Variants in ITPR3 observed in about 807,000 individuals in gnomAD.
The protein encoded by ITPR3 is inositol 1,4,5-trisphosphate-gated calcium channel ITPR3.
In ITPR3, 173 loss-of-function variants were observed where a neutral mutation model predicts 293.2. The observed-to-expected ratio is 0.59, with a 90% CI of 0.52 to 0.67. The LOEUF (loss-of-function observed/expected upper bound fraction) is 0.67, where lower values mean the gene tolerates loss of function less well. ITPR3 is among the 30% of genes least tolerant of loss of function. The pLI, the probability that ITPR3 is intolerant of heterozygous loss-of-function variation, is 0.00. For missense variants in ITPR3, 2,796 were observed against 3,592.1 expected (o/e 0.78, Z 5.66); for synonymous variants, 1,295 against 1,444.4 (o/e 0.90, Z 2.35).
Position 33,679,966 on chromosome 6 carries a change from C to G in ITPR3, c.4057C>G (p.Arg1353Gly). 1 of 1,613,820 alleles carries G rather than the reference C, an allele frequency of 6.2e-7. No homozygotes were observed. The highest frequency in any genetic ancestry group is 8.5e-7 in the Non-Finnish European group (1 of 1,180,024). Residue 1353 changes from arginine (R) to glycine (G), a missense_variant, in exon 31 of 58, where the codon CGC (arginine) becomes GGC (glycine). Transcript: ENST00000605930. The surrounding 1 kb of genome is among the most constrained non-coding windows in gnomAD (Gnocchi z 4.2). ...AHLLDMMKAA[R>G]DGVEDHSPLM... ...CCTGCTGGACATGATGAAGGCCGCCCGCGACGGCGTGGAGGACCACAGCCC... is the reference window on the plus strand; with the variant it reads ...CCTGCTGGACATGATGAAGGCCGCCGGCGACGGCGTGGAGGACCACAGCCC...
chr6:33,678,794 C>G lies in ITPR3; in HGVS notation c.3927C>G (p.Ala1309=), dbSNP rs760674810. 6.2e-7 allele frequency: 1 copy of G among 1,613,316 alleles called. No individual in the cohort carries two copies. ...YLDFLHTVIK[A]EGKYVKKCQD... Reference sequence around the variant, plus strand: ...ACTTCCTGCACACCGTCATTAAGGCCGAGGGCAAGTACGTCAAGAAGTGCC... The same window carrying G: ...ACTTCCTGCACACCGTCATTAAGGCGGAGGGCAAGTACGTCAAGAAGTGCC... The change falls in exon 30 of 58, where the codon GCC becomes GCG. Residue 1309 remains alanine, a synonymous_variant. Coordinates refer to ENST00000605930, the MANE Select transcript of ITPR3 (RefSeq NM_002224.4).
chr6:33,692,237 T>C lies in ITPR3; in HGVS notation c.7458+309T>C, dbSNP rs1561884554. On this transcript the variant is annotated intron_variant, in intron 54 of 57. Transcript: ENST00000605930. This position sits in a 1 kb window ranked among gnomAD's most constrained non-coding sequence, Gnocchi z 4.2. ...GGCAGAGGGCGGAGCTGAGTCAGCT[T>C]TATCAGGAGGCCTCATGATTTGGCT... is the stretch of plus-strand genomic sequence containing the variant. Among the ~76,000 whole-genome samples the C allele has an allele frequency of 2.0e-5, 3 of 152,220 alleles. No homozygotes were observed. The highest frequency in any genetic ancestry group is 4.4e-5 in the Non-Finnish European group (3 of 68,022).
chr6:33,627,881 G>A (rs1454383004), intron 1 of ITPR3, among the ~76,000 whole-genome samples: 1 of 152,220 alleles, frequency 6.6e-6, no homozygotes, highest in Non-Finnish European at 1.5e-5. Context: ...GAGAGGGGGT[G>A]GCGCGGGGTT....
rs769660569 is a variant in ITPR3 at position 33,684,976 on chromosome 6, C to T, written c.5307+33C>T. Reference sequence around the variant, plus strand: ...GGGCCTGGGGCCTGGACATGCCCTCCTTTGCCTCCCTCCCTTTTTGGAGGA... The same window carrying T: ...GGGCCTGGGGCCTGGACATGCCCTCTTTTGCCTCCCTCCCTTTTTGGAGGA... On this transcript the variant is annotated intron_variant, in intron 39 of 57. Transcript: ENST00000605930. The surrounding 1 kb of genome is among the most constrained non-coding windows in gnomAD (Gnocchi z 4.2). 5.5e-5 allele frequency: 87 copies of T among 1,573,710 alleles called. 2 individuals are homozygous for T. Among genetic ancestry groups the T allele is most frequent in the South Asian group, 4.6e-4 (39 of 84,624 alleles).
chr6:33,656,869 G>A (rs1444044987), intron 3 of ITPR3, among the ~76,000 whole-genome samples: 65 of 152,246 alleles, frequency 4.3e-4, no homozygotes, highest in Non-Finnish European at 1.5e-4. Context: ...ATTGGGCTGC[G>A]CCTTATAGCT....
In ITPR3 at chr6:33,683,194, C is replaced by T; in HGVS notation, c.4598-13C>T. On this transcript the variant is annotated splice_polypyrimidine_tract_variant and intron_variant, in intron 34 of 57. Coordinates refer to ENST00000605930, the MANE Select transcript of ITPR3 (RefSeq NM_002224.4). This position sits in a 1 kb window ranked among gnomAD's most constrained non-coding sequence, Gnocchi z 4.5. ...CGCACCAGCACTCCAGCACTCCCTC[C>T]CTTCCCACCCAGCCAAGGGCCGGGC... 2.0e-6 allele frequency: 3 copies of T among 1,503,610 alleles called. No homozygotes were observed. Among genetic ancestry groups the T allele is most frequent in the Non-Finnish European group, 2.7e-6 (3 of 1,116,306 alleles). The allele number at this position is 1,503,610 out of a possible 1,614,324, so 93.1% of individuals were successfully genotyped here. A position where few individuals can be genotyped will look rare whatever the true frequency, so the allele number is the denominator to read the frequency against.
At chr6:33,686,365 T>A in intron 42 of ITPR3, 44 bp from the exon 43 acceptor site, 1 of 1,599,986 alleles carries the variant, frequency 6.3e-7, no homozygotes, top group African/African-American at 1.3e-5. Context: ...CTGCCACTAT[T>A]CTGAGAGGGC....
In ITPR3 at chr6:33,692,034, A is replaced by T. The variant is rs1765409077; in HGVS notation, c.7458+106A>T. On this transcript the variant is annotated intron_variant, in intron 54 of 57. Coordinates refer to ENST00000605930, the MANE Select transcript of ITPR3 (RefSeq NM_002224.4). This position sits in a 1 kb window ranked among gnomAD's most constrained non-coding sequence, Gnocchi z 4.2. ...GCCTCGCGTCAGATATTCAGGGTTG[A>T]ACCCCCTCCCCCGAACTTGTATCCA... 19 of 1,460,354 alleles carry T rather than the reference A, an allele frequency of 1.3e-5. No individual in the cohort carries two copies. The highest frequency in any genetic ancestry group is 1.7e-5 in the Non-Finnish European group (18 of 1,056,906). 90.5% of individuals were successfully genotyped at this position (1,460,354 alleles called of 1,614,324 possible).
chr6:33,694,773 C>T, intron 56 of ITPR3, 151 bp from the exon 57 acceptor site: 1 of 957,284 alleles, frequency 1.0e-6, no homozygotes, highest in South Asian at 1.5e-5. Context: ...CCGGGGAGGA[C>T]CAGGTCAATT....
Position 33,659,564 on chromosome 6 carries a change from C to CCACTG in ITPR3, c.711+16_711+17insACTGC. On this transcript the variant is annotated intron_variant, in intron 7 of 57. Transcript: ENST00000605930. ...TGTTGAAAGGGGTAAGGACTGGGAA[C>CCACTG]CCCTGCCCTGCCCAGCTGGCCACCT... The CCACTG allele has an allele frequency of 6.2e-7, 1 of 1,608,656 alleles. No homozygotes were observed. The highest frequency in any genetic ancestry group is 1.3e-5 in the African/African-American group (1 of 74,908).
At chr6:33,690,013 A>G in intron 50 of ITPR3, 21 bp from the exon 51 acceptor site, 1 of 1,614,032 alleles carries the variant, frequency 6.2e-7, no homozygotes, top group Non-Finnish European at 8.5e-7. Context: ...GCTGACTCTC[A>G]TGCCTTGCAC....
intron 8 of ITPR3, 93 bp downstream of exon 8, chr6:33,662,767 C>T (rs1764506587): frequency 2.6e-6 from 4 of 1,529,352 alleles, no homozygotes; most frequent in South Asian, 1.2e-5. Context: ...ATATTGACCC[C>T]TACCTCCCTC....
At chr6:33,642,395 A>T (rs942559866) in intron 2 of ITPR3, among the ~76,000 whole-genome samples, 3 of 152,010 alleles carry the variant, frequency 2.0e-5, no homozygotes, top group Admixed American at 2.0e-4. Flanking sequence ...TCTTGGAAAG[A>T]ACTTAGAGAC....
In ITPR3 at chr6:33,664,890, G is replaced by A. The variant is rs1370671417; in HGVS notation, c.1169G>A (p.Arg390Gln). 1.9e-6 allele frequency: 3 copies of A among 1,613,820 alleles called. No individual in the cohort carries two copies. The highest frequency in any genetic ancestry group is 1.7e-5 in the Admixed American group (1 of 60,008). Residue 390 changes from arginine to glutamine, a missense_variant, in exon 12 of 58, where the codon CGG (arginine) becomes CAG (glutamine). Arg to Gln is a conservative substitution (Grantham distance 43). Around this residue, in one of 8 missense-constraint regions of ITPR3, gnomAD observed 955 missense variants for 1,180.8 expected, o/e 0.81. Transcript: ENST00000605930. The surrounding 1 kb of genome is among the most constrained non-coding windows in gnomAD (Gnocchi z 4.4). The stretch of plus-strand genomic sequence containing the variant: ...TGCAGGAACTCGTACGTCCGGCTGC[G>A]GCACCTCTGCACCAACACGTGGATT... Reference protein sequence around the residue: ...FVPRNSYVRLRHLCTNTWIQS... With the variant: ...FVPRNSYVRLQHLCTNTWIQS...
intron 1 of ITPR3, among the ~76,000 whole-genome samples, chr6:33,635,032 A>G (rs1763786176): frequency 6.6e-6 from 1 of 152,082 alleles, no homozygotes; most frequent in Non-Finnish European, 1.5e-5. Flanking sequence ...CTGCGGCTCC[A>G]TCACCCCAGT....
rs1470806540 is a variant in ITPR3, at chr6:33,685,726, G to A, written c.5566G>A (p.Glu1856Lys). 2.5e-6 allele frequency: 4 copies of A among 1,608,956 alleles called. No homozygotes were observed. Among genetic ancestry groups the A allele is most frequent in the Non-Finnish European group, 3.4e-6 (4 of 1,176,752 alleles). The change falls in exon 41 of 58, where the codon GAA becomes AAA. Residue 1856 changes from glutamate to lysine, a missense_variant. Around this residue, in one of 8 missense-constraint regions of ITPR3, gnomAD observed 704 missense variants for 797.5 expected, o/e 0.88. Transcript: ENST00000605930. ...PSLRRGHEVS[E>K]RVQSSEMGTS... ...CCTGCGCCGGGGGCACGAGGTGAGC[G>A]AACGTGTGCAGAGCAGTGAGATGGG...
In ITPR3 at chr6:33,692,914, T is replaced by C. The variant is rs1453832051; in HGVS notation, c.7624+21T>C. Reference sequence around the variant, plus strand: ...CTGTGGTGAGGGCTGCTTCCTGCTCTGTGGAGGCCGCAGCGGGGCTGGAAC... The same window carrying C: ...CTGTGGTGAGGGCTGCTTCCTGCTCCGTGGAGGCCGCAGCGGGGCTGGAAC... On this transcript the variant is annotated intron_variant, in intron 55 of 57. Coordinates refer to ENST00000605930, the MANE Select transcript of ITPR3 (RefSeq NM_002224.4). This position sits in a 1 kb window ranked among gnomAD's most constrained non-coding sequence, Gnocchi z 4.2. The C allele has an allele frequency of 6.2e-7, 1 of 1,611,910 alleles. No individual in the cohort carries two copies. The highest frequency in any genetic ancestry group is 8.5e-7 in the Non-Finnish European group (1 of 1,178,424).
chr6:33,650,768 T>C (rs1764168045), intron 2 of ITPR3, among the ~76,000 whole-genome samples: 1 of 152,068 alleles, frequency 6.6e-6, no homozygotes, highest in Non-Finnish European at 1.5e-5. Flanking sequence ...TTTTTTATCG[T>C]TTTCTGTTCT....
At chr6:33,663,396 C>A in intron 9 of ITPR3, 104 bp from the exon 10 acceptor site, 1 of 1,182,292 alleles carries the variant, frequency 8.5e-7, no homozygotes, top group Non-Finnish European at 1.2e-6. Context: ...TGCAGCCTGC[C>A]TGCCCAAACC....
Sources: allele counts gnomAD v4.1 joint callset (sites outside exome capture counted in the v4.1 genomes callset), GRCh38; gene constraint gnomAD v4.1.1; regional missense constraint gnomAD v4.1.1; non-coding constraint Gnocchi (gnomAD v3.1); transcripts MANE v1.5; gene names NCBI Gene and HGNC (gene_info 2026-07-23, HGNC 2026-07-21).